Variants in PRDM15 observed in about 807,000 individuals in gnomAD.
PRDM15 encodes PR domain zinc finger protein 15.
PRDM15 carries 64 observed loss-of-function variants against 128.6 expected under a neutral mutation model. The observed-to-expected ratio is 0.50, with a 90% CI of 0.41 to 0.61. PRDM15 has a LOEUF of 0.61. Among genes scored for constraint, PRDM15 ranks in the 20% least tolerant of loss-of-function variants. The pLI, the probability that PRDM15 is intolerant of heterozygous loss-of-function variation, is 0.00. For synonymous variants in PRDM15, 615 were observed against 621.8 expected, an observed-to-expected ratio of 0.99 and a Z score of 0.16; for missense variants, 1,242 against 1,569.1, an observed-to-expected ratio of 0.79 and a Z score of 3.52.
At chr21:41,866,939 C>T (rs1002486511) in intron 1 of PRDM15, among the ~76,000 whole-genome samples, 2 of 152,130 alleles carry the variant, frequency 1.3e-5, no homozygotes, top group African/African-American at 4.8e-5. Context: ...CCTACTCACT[C>T]CCTTCTCAGT....
intron 8 of PRDM15, among the ~76,000 whole-genome samples, chr21:41,837,399 G>A (rs1398569355): frequency 6.6e-6 from 1 of 152,196 alleles, no homozygotes; most frequent in African/African-American, 2.4e-5. Context: ...TCTGACACAG[G>A]CTACACATGG....
intron 1 of PRDM15, among the ~76,000 whole-genome samples, chr21:41,874,521 A>ATTTTTTTTT (rs1336105383): frequency 8.3e-5 from 4 of 47,934 alleles, no homozygotes; most frequent in African/African-American, 1.7e-4. Context: ...ATATATATAT[A>ATTTTTTTTT]TATATTTTTT....
chr21:41,871,679 C>T (rs1048256709), intron 1 of PRDM15: 9 of 1,541,162 alleles, frequency 5.8e-6, no homozygotes, highest in Middle Eastern at 2.1e-4. Context: ...TCCCTCTCCA[C>T]GTGTCTTGAA....
chr21:41,874,709 C>T (rs117637044), intron 1 of PRDM15: 3,494 of 151,862 alleles, frequency 0.023, 62 homozygotes, highest in South Asian at 0.071. Flanking sequence ...AGTGAGTTTG[C>T]CGTGAGCCGC....
rs775299230 is a variant in PRDM15 at position 41,836,175 on chromosome 21, T to C, written c.1216A>G (p.Lys406Glu). 6.2e-7 allele frequency: 1 copy of C among 1,613,896 alleles called. No homozygotes were observed. The highest frequency in any genetic ancestry group is 8.5e-7 in the Non-Finnish European group (1 of 1,179,952). The stretch of plus-strand genomic sequence containing the variant: ...AGGCTCTCTTTGCGGCTGAACAATT[T>C]TGCACACTCTTCGCACTTAAACAGC... The part of the protein sequence containing the change: ...DKLFKCEECA[K>E]LFSRKESLKQ... The change falls in exon 10 of 24, where the codon AAA becomes GAA. Residue 406 changes from lysine (K) to glutamate (E), a missense_variant. Around this residue, in one of 3 missense-constraint regions of PRDM15, gnomAD observed 612 missense variants for 717.0 expected, o/e 0.85. Coordinates refer to ENST00000398548, the MANE Select transcript of PRDM15 (RefSeq NM_001040424.3).
chr21:41,816,817 G>C (rs1253636963), intron 18 of PRDM15, among the ~76,000 whole-genome samples: 2 of 152,060 alleles, frequency 1.3e-5, no homozygotes, highest in African/African-American at 4.8e-5. Flanking sequence ...GCCTCGGGTG[G>C]GGACGGCACC....
In PRDM15 at chr21:41,874,525, A is replaced by ATATATTT; in HGVS notation, c.-10+4744_-10+4745insAAATATA. Among the ~76,000 whole-genome samples, 153 of 95,790 alleles carry ATATATTT rather than the reference A, an allele frequency of 1.6e-3. 1 individual carries two copies. The highest frequency in any genetic ancestry group is 1.4e-3 in the East Asian group (5 of 3,674). 62.8% of individuals were successfully genotyped at this position (95,790 alleles called of 152,430 possible). A position where few individuals can be genotyped will look rare whatever the true frequency, so the allele number is the denominator to read the frequency against. On this transcript the variant is annotated intron_variant, in intron 1 of 23. Coordinates refer to ENST00000398548, the MANE Select transcript of PRDM15 (RefSeq NM_001040424.3). ...TGCATATATATATATATATATATAT[A>ATATATTT]TTTTTTTTTTTTTTTGAAACTTACA...
intron 6 of PRDM15, among the ~76,000 whole-genome samples, chr21:41,840,652 A>T (rs1266763056): frequency 6.6e-6 from 1 of 152,134 alleles, no homozygotes; most frequent in Non-Finnish European, 1.5e-5. Flanking sequence ...TAAAAAATTA[A>T]GCAATAAGCC....
chr21:41,862,085 A>G lies in PRDM15; in HGVS notation c.-9-1713T>C. 9.6e-7 allele frequency: 1 copy of G among 1,037,014 alleles called. No individual in the cohort carries two copies. The highest frequency in any genetic ancestry group is 1.5e-6 in the Non-Finnish European group (1 of 673,254). The allele number at this position is 1,037,014 out of a possible 1,614,324, so 64.2% of individuals were successfully genotyped here. On this transcript the variant is annotated intron_variant, in intron 1 of 23. Coordinates refer to ENST00000398548, the MANE Select transcript of PRDM15 (RefSeq NM_001040424.3). This position sits in a 1 kb window ranked among gnomAD's most constrained non-coding sequence, Gnocchi z 4.1. ...GCTGGGCAGTGAGCAGGAGATGAAC[A>G]GGACAAAGGGCAGAAGAAACCCAGA...
Position 41,821,004 on chromosome 21 carries a change from C to T in PRDM15, c.2060+63G>A. Reference sequence around the variant, plus strand: ...AAATGGCTCCTTATAGCATGTGTCTCTTTGCAAGGAAGCATGTCCCCTCTC... The same window carrying T: ...AAATGGCTCCTTATAGCATGTGTCTTTTTGCAAGGAAGCATGTCCCCTCTC... On this transcript the variant is annotated intron_variant, in intron 16 of 23. Transcript: ENST00000398548. This position sits in a 1 kb window ranked among gnomAD's most constrained non-coding sequence, Gnocchi z 5.4. 1 of 1,600,696 alleles carries T rather than the reference C, an allele frequency of 6.2e-7. No individual in the cohort carries two copies. Among genetic ancestry groups the T allele is most frequent in the South Asian group, 1.1e-5 (1 of 90,686 alleles).
At chr21:41,823,029 CAAAAA>C (rs33972733) in intron 14 of PRDM15, among the ~76,000 whole-genome samples, 2 of 89,832 alleles carry the variant, frequency 2.2e-5, no homozygotes, top group Non-Finnish European at 2.3e-5. Context: ...GACTCCGTCT[CAAAAA>C]AAAAAAAAAA....
chr21:41,853,818 GGGA>G (rs752646071), intron 5 of PRDM15, among the ~76,000 whole-genome samples: 1 of 152,208 alleles, frequency 6.6e-6, no homozygotes, highest in African/African-American at 2.4e-5. Context: ...CCCCAAATCT[GGGA>G]GGAGGCCATT....
At chr21:41,844,954 T>C (rs1464108046) in intron 6 of PRDM15, among the ~76,000 whole-genome samples, 1 of 4,424 alleles carries the variant, frequency 2.3e-4, no homozygotes, top group African/African-American at 1.0e-3. Flanking sequence ...CCCTCCCCCC[T>C]CACAGGGACA....
In PRDM15 at chr21:41,820,244, C is replaced by T. The variant is rs1011356555; in HGVS notation, c.2061-70G>A. On this transcript the variant is annotated intron_variant, in intron 16 of 23. Coordinates refer to ENST00000398548, the MANE Select transcript of PRDM15 (RefSeq NM_001040424.3). ...TCCACGGCAGCGAGGGCACTTTCCC[C>T]AGCACCTTCATCTGCAAAGGTGAGG... The T allele has an allele frequency of 1.7e-5, 21 of 1,202,236 alleles. No individual in the cohort carries two copies. The Middle Eastern group carries it at 7.6e-4, about 43-fold the overall frequency. The allele number at this position is 1,202,236 out of a possible 1,614,324, so 74.5% of individuals were successfully genotyped here.
At position 41,873,349 on chromosome 21, in the gene PRDM15, C is replaced by T. The variant is rs1372821635; in HGVS notation, c.-10+5921G>A. On this transcript the variant is annotated intron_variant, in intron 1 of 23. Coordinates refer to ENST00000398548, the MANE Select transcript of PRDM15 (RefSeq NM_001040424.3). ...ATGTCCTTATTCTACCCTCACACCT[C>T]GGTTAGGCTGCCTGGGTACACGGCC... is the stretch of plus-strand genomic sequence containing the variant. Among the ~76,000 whole-genome samples, 8 of 152,184 alleles carry T rather than the reference C, an allele frequency of 5.3e-5. No homozygotes were observed. In the East Asian group the frequency reaches 5.8e-4, roughly 11 times the overall value.
intron 11 of PRDM15, among the ~76,000 whole-genome samples, chr21:41,830,312 CAT>C (rs2062640377): frequency 6.6e-6 from 1 of 150,716 alleles, no homozygotes; most frequent in Middle Eastern, 3.6e-3. Context: ...CCACACAACA[CAT>C]ACTCAACACA....
intron 5 of PRDM15, 97 bp from the exon 6 acceptor site, chr21:41,847,288 C>T (rs2063296634): frequency 6.2e-6 from 5 of 809,216 alleles, no homozygotes; most frequent in Admixed American, 5.5e-5. Context: ...TGCTGAGAGG[C>T]GGTGATGACA....
chr21:41,861,952 C>T (rs2063828497), intron 1 of PRDM15: 4 of 1,614,028 alleles, frequency 2.5e-6, no homozygotes, highest in Non-Finnish European at 3.4e-6. Flanking sequence ...TCTCGTGCGG[C>T]TCTAGCAAGT....
intron 1 of PRDM15, among the ~76,000 whole-genome samples, chr21:41,874,519 A>ATTT (rs1453363784): frequency 1.6e-3 from 80 of 50,620 alleles, no homozygotes; most frequent in African/African-American, 4.7e-3. Flanking sequence ...ATATATATAT[A>ATTT]TATATATTTT....
Sources: gnomAD v4.1 joint callset for allele counts (sites outside exome capture counted in the v4.1 genomes callset) on GRCh38, gnomAD v4.1.1 for gene constraint, gnomAD v4.1.1 regional missense constraint, Gnocchi (gnomAD v3.1) non-coding constraint, MANE v1.5 for transcripts, NCBI Gene and HGNC (gene_info 2026-07-23, HGNC 2026-07-21) for gene names.